PLEKHA5: variants seen among roughly 807,000 people sequenced by gnomAD.
The protein encoded by PLEKHA5 is pleckstrin homology domain-containing family A member 5.
A neutral mutation model predicts 181.9 loss-of-function variants in PLEKHA5; 55 were observed. The observed-to-expected ratio is 0.30, with a 90% CI of 0.24 to 0.38. PLEKHA5 has a LOEUF of 0.38. Among genes scored for constraint, PLEKHA5 ranks in the 10% least tolerant of loss-of-function variants. The pLI is 1.00. For missense variants in PLEKHA5, 1,432 were observed against 1,549.5 expected (o/e 0.92, Z 1.27); for synonymous variants, 535 against 529.4 (o/e 1.01, Z -0.15).
intron 20 of PLEKHA5, among the ~76,000 whole-genome samples, chr12:19,330,006 C>T (rs1319285483): frequency 2.0e-5 from 3 of 151,960 alleles, no homozygotes; most frequent in African/African-American, 7.2e-5. Context: ...AGCAGGATGA[C>T]CTGAGCCCAG....
At chr12:19,185,040 G>A (rs906752421) in intron 3 of PLEKHA5, among the ~76,000 whole-genome samples, 1 of 151,984 alleles carries the variant, frequency 6.6e-6, no homozygotes, top group African/African-American at 2.4e-5. Flanking sequence ...GAGCAATATA[G>A]TGCAGGGTTA....
chr12:19,364,541 G>T (rs894611182), intron 29 of PLEKHA5, among the ~76,000 whole-genome samples: 17 of 151,972 alleles, frequency 1.1e-4, no homozygotes, highest in East Asian at 9.7e-4. Flanking sequence ...TCATTGCTTT[G>T]CTAGCCCTAA....
At chr12:19,311,046 T>G (rs2086312822) in intron 15 of PLEKHA5, among the ~76,000 whole-genome samples, 1 of 152,110 alleles carries the variant, frequency 6.6e-6, no homozygotes, top group South Asian at 2.1e-4. Context: ...CAGTGAAGTT[T>G]GTTACATCAA....
rs76626801 is a variant in PLEKHA5 at position 19,274,830 on chromosome 12, T to C, written c.1160T>C (p.Val387Ala). The change falls in exon 11 of 32, where the codon GTT (valine) becomes GCT (alanine). Residue 387 changes from valine (V) to alanine (A), a missense_variant. Around this residue, in one of 2 missense-constraint regions of PLEKHA5, gnomAD observed 1,143 missense variants for 1,168.4 expected, o/e 0.98. Coordinates refer to ENST00000429027, the MANE Select transcript of PLEKHA5 (RefSeq NM_001256470.2). ...AGTTCAGAGAACAAAATAGTCAATG[T>C]TAGCCTGGCAGATCTTAGAGGTGGA... is the stretch of plus-strand genomic sequence containing the variant. ...LSSSENKIVN[V>A]SLADLRGGNR... 16,897 of 1,614,174 alleles carry C rather than the reference T, an allele frequency of 0.01. 198 individuals are homozygous for C. The highest frequency in any genetic ancestry group is 0.041 in the East Asian group (1,828 of 44,874).
chr12:19,351,772 C>T (rs1386550777), intron 25 of PLEKHA5, among the ~76,000 whole-genome samples: 5 of 152,044 alleles, frequency 3.3e-5, no homozygotes, highest in Non-Finnish European at 7.4e-5. Context: ...CTGAATGCTT[C>T]ACTTAAAAAG....
chr12:19,183,835 T>G (rs1591972257), intron 3 of PLEKHA5, among the ~76,000 whole-genome samples: 1 of 152,188 alleles, frequency 6.6e-6, no homozygotes, highest in African/African-American at 2.4e-5. Context: ...TGCCTCAGCC[T>G]CCCGAGTAGG....
At chr12:19,326,289 C>T (rs892737723) in intron 20 of PLEKHA5, among the ~76,000 whole-genome samples, 2 of 152,180 alleles carry the variant, frequency 1.3e-5, no homozygotes, top group Admixed American at 6.5e-5. Context: ...ATGTGCATAA[C>T]ATCATACTGG....
At chr12:19,171,370 C>T (rs1591913281) in intron 3 of PLEKHA5, among the ~76,000 whole-genome samples, 1 of 152,170 alleles carries the variant, frequency 6.6e-6, no homozygotes, top group East Asian at 1.9e-4. Context: ...GACACTCATA[C>T]CCTGTAAAAA....
At chr12:19,350,955 CTT>C (rs35006570) in intron 25 of PLEKHA5, among the ~76,000 whole-genome samples, 61 of 112,520 alleles carry the variant, frequency 5.4e-4, no homozygotes, top group Middle Eastern at 0.012. Context: ...TATTCAAAGT[CTT>C]TTTTTTTTTT....
intron 3 of PLEKHA5, among the ~76,000 whole-genome samples, chr12:19,251,517 G>A (rs1194833524): frequency 1.3e-5 from 2 of 151,966 alleles, no homozygotes; most frequent in African/African-American, 4.8e-5. Flanking sequence ...TGTTTGAGGT[G>A]TGTGCAGATA....
intron 10 of PLEKHA5, among the ~76,000 whole-genome samples, chr12:19,273,224 A>G (rs1336132418): frequency 1.3e-5 from 2 of 152,132 alleles, no homozygotes; most frequent in Non-Finnish European, 2.9e-5. Flanking sequence ...TTATTTTTCA[A>G]GAGAAAGAAG....
chr12:19,269,469 A>G lies in PLEKHA5; in HGVS notation c.712-301A>G, dbSNP rs571525954. The stretch of plus-strand genomic sequence containing the variant: ...ATGTGGAGATGGAAGAGGCACCACT[A>G]AGTACTTCATTTCTCACCTCCTTTC... On this transcript the variant is annotated intron_variant, in intron 8 of 31. Transcript: ENST00000429027. Among the ~76,000 whole-genome samples, 38 of 150,822 alleles carry G rather than the reference A, an allele frequency of 2.5e-4. No homozygotes were observed. In the South Asian group the frequency reaches 8.0e-3, roughly 32 times the overall value.
chr12:19,360,328 C>T (rs942188649), intron 28 of PLEKHA5, among the ~76,000 whole-genome samples: 6 of 151,474 alleles, frequency 4.0e-5, no homozygotes, highest in African/African-American at 1.2e-4. Flanking sequence ...AAAAACGTGG[C>T]GGGCACAGTG....
intron 29 of PLEKHA5, among the ~76,000 whole-genome samples, chr12:19,363,280 T>C (rs1447538662): frequency 6.6e-6 from 1 of 151,640 alleles, no homozygotes; most frequent in African/African-American, 2.4e-5. Flanking sequence ...GCCTCCTGAG[T>C]AGCTCAGACT....
chr12:19,157,484 T>C (rs539021044), intron 3 of PLEKHA5, among the ~76,000 whole-genome samples: 37 of 152,234 alleles, frequency 2.4e-4, no homozygotes, highest in African/African-American at 8.9e-4. Flanking sequence ...TTTTTTTTTT[T>C]AGATTTTAAG....
intron 16 of PLEKHA5, among the ~76,000 whole-genome samples, chr12:19,317,942 T>G (rs1340852088): frequency 6.0e-5 from 9 of 150,554 alleles, no homozygotes; most frequent in Non-Finnish European, 1.3e-4. Flanking sequence ...TTTTTTTTTT[T>G]TTTGGCTAAA....
At chr12:19,147,326 A>G (rs1405318259) in intron 3 of PLEKHA5, 4 of 152,240 alleles carry the variant, frequency 2.6e-5, no homozygotes, top group Admixed American at 6.5e-5. Context: ...TGAAATGCCT[A>G]GACAGTGGTA....
At chr12:19,333,490 G>A (rs148987077) in intron 20 of PLEKHA5, among the ~76,000 whole-genome samples, 109 of 151,708 alleles carry the variant, frequency 7.2e-4, no homozygotes, top group African/African-American at 2.5e-3. Context: ...TCGGGAGGTC[G>A]ATGCAGAAGA....
At chr12:19,328,907 T>C (rs1315022874) in intron 20 of PLEKHA5, among the ~76,000 whole-genome samples, 1 of 152,148 alleles carries the variant, frequency 6.6e-6, no homozygotes, top group African/African-American at 2.4e-5. Flanking sequence ...TCCTTGTCTT[T>C]TTCCAGTTCT....
Sources: allele counts gnomAD v4.1 joint callset (sites outside exome capture counted in the v4.1 genomes callset), GRCh38; gene constraint gnomAD v4.1.1; regional missense constraint gnomAD v4.1.1; transcripts MANE v1.5; gene names NCBI Gene and HGNC (gene_info 2026-07-23, HGNC 2026-07-21).